Variants in FSIP2 observed in about 807,000 individuals in gnomAD.
The protein encoded by FSIP2 is fibrous sheath-interacting protein 2.
In FSIP2, 367 loss-of-function variants were observed where a neutral mutation model predicts 510.5. That is an observed-to-expected ratio of 0.72 (90% CI 0.66 to 0.78). FSIP2 has a LOEUF of 0.78. FSIP2 is among the 30% of genes least tolerant of loss of function. The probability of loss-of-function intolerance (pLI) is 0.00; values close to 1 mark genes in which losing one functional copy is unlikely to be tolerated. For synonymous variants in FSIP2, 2,601 were observed against 2,732.2 expected (o/e 0.95, Z 1.50); for missense variants, 7,594 against 7,901.7 (o/e 0.96, Z 1.48).
chr2:185,779,044 G>A (rs930024373), intron 13 of FSIP2, among the ~76,000 whole-genome samples: 1 of 151,872 alleles, frequency 6.6e-6, no homozygotes, highest in Non-Finnish European at 1.5e-5. Context: ...TATTAATATA[G>A]AGATGTCAGC....
chr2:185,793,539 A>G lies in FSIP2; in HGVS notation c.6403A>G (p.Met2135Val). 6.5e-7 allele frequency: 1 copy of G among 1,534,340 alleles called. No individual in the cohort carries two copies. The highest frequency in any genetic ancestry group is 2.0e-5 in the Admixed American group (1 of 50,884). The change falls in exon 16 of 23, where the codon ATG becomes GTG. Residue 2135 changes from methionine (M) to valine (V), a missense_variant. Transcript: ENST00000424728. ...KHSEENSEMF[M>V]EGANKIIPKL... ...TTCAGAAGAAAATTCTGAAATGTTCATGGAGGGTGCAAATAAGATTATTCC... is the reference window on the plus strand; with the variant it reads ...TTCAGAAGAAAATTCTGAAATGTTCGTGGAGGGTGCAAATAAGATTATTCC...
chr2:185,803,452 A>G lies in FSIP2; in HGVS notation c.14146A>G (p.Asn4716Asp), dbSNP rs1198665254. 3.9e-6 allele frequency: 6 copies of G among 1,529,262 alleles called. No individual in the cohort carries two copies. The highest frequency in any genetic ancestry group is 4.4e-6 in the Non-Finnish European group (5 of 1,143,622). The allele number at this position is 1,529,262 out of a possible 1,614,324, so 94.7% of individuals were successfully genotyped here. A position where few individuals can be genotyped will look rare whatever the true frequency, so the allele number is the denominator to read the frequency against. Residue 4716 changes from asparagine to aspartate, a missense_variant, in exon 17 of 23, where the codon AAT (asparagine) becomes GAT (aspartate). Transcript: ENST00000424728. ...AGAATATGAAATGGAAGTCGTGCCCAATAAAGATTTTCTAAATGACACAAA... is the reference window on the plus strand; with the variant it reads ...AGAATATGAAATGGAAGTCGTGCCCGATAAAGATTTTCTAAATGACACAAA... ...LQEYEMEVVP[N>D]KDFLNDTKTL...
rs1041582486 is a variant in FSIP2, at chr2:185,789,579, C to A, written c.2443C>A (p.Pro815Thr). 6.5e-7 allele frequency: 1 copy of A among 1,534,762 alleles called. No individual in the cohort carries two copies. The highest frequency in any genetic ancestry group is 2.0e-5 in the Admixed American group (1 of 50,866). The change falls in exon 16 of 23, where the codon CCA (proline) becomes ACA (threonine). Residue 815 changes from proline to threonine, a missense_variant. Coordinates refer to ENST00000424728, the MANE Select transcript of FSIP2 (RefSeq NM_173651.4). ...LKNSMPHTLD[P>T]MCDIAEDMVH... ...AAATTCAATGCCTCATACTTTGGAC[C>A]CAATGTGTGATATTGCAGAGGACAT...
intron 7 of FSIP2, among the ~76,000 whole-genome samples, chr2:185,750,782 G>A (rs148060155): frequency 6.6e-6 from 1 of 150,430 alleles, no homozygotes; most frequent in Non-Finnish European, 1.5e-5. Flanking sequence ...TTTGATATAC[G>A]ATGTTTTATA....
chr2:185,763,310 C>T (rs542793743), intron 12 of FSIP2, 21 bp downstream of exon 12: 1 of 938,834 alleles, frequency 1.1e-6, no homozygotes, highest in East Asian at 2.6e-5. Flanking sequence ...GTTCTTTTAC[C>T]CCAAATACAA....
rs1472476000 is a variant in FSIP2, at chr2:185,794,859, G to A, written c.7723G>A (p.Asp2575Asn). 6.5e-7 allele frequency: 1 copy of A among 1,532,868 alleles called. No homozygotes were observed. The allele number at this position is 1,532,868 out of a possible 1,614,324, so 95.0% of individuals were successfully genotyped here. A position where few individuals can be genotyped will look rare whatever the true frequency, so the allele number is the denominator to read the frequency against. ...AGAAGTTGAAATATCTGACCACAATGATTCCTTACTAATGAAACCATTAAG... is the reference window on the plus strand; with the variant it reads ...AGAAGTTGAAATATCTGACCACAATAATTCCTTACTAATGAAACCATTAAG... ...RTEVEISDHN[D>N]SLLMKPLRFR... The change falls in exon 16 of 23, where the codon GAT (aspartate) becomes AAT (asparagine). Residue 2575 changes from aspartate to asparagine, a missense_variant. Physicochemically the swap from Asp to Asn is conservative, Grantham distance 23. Coordinates refer to ENST00000424728, the MANE Select transcript of FSIP2 (RefSeq NM_173651.4).
rs1171248883 is a variant in FSIP2, at chr2:185,800,253, TAGAC to T, written c.10950_10953del (p.Ser3653ProfsTer20). 4 of 1,532,902 alleles carry T rather than the reference TAGAC, an allele frequency of 2.6e-6. No individual in the cohort carries two copies. The South Asian group carries it at 4.8e-5, about 18-fold the overall frequency. The allele number at this position is 1,532,902 out of a possible 1,614,324, so 95.0% of individuals were successfully genotyped here. On this transcript the variant is annotated frameshift_variant, in exon 17 of 23. Transcript: ENST00000424728. LOFTEE classifies it high-confidence loss of function. ...GTGTACCCCTTTGCAACAAAATCAA[TAGAC>T]AGGCAAGCCCCAGAGACTGGCAATT...
intron 13 of FSIP2, among the ~76,000 whole-genome samples, chr2:185,779,538 T>C (rs1692797817): frequency 6.6e-6 from 1 of 152,144 alleles, no homozygotes; most frequent in South Asian, 2.1e-4. Context: ...ACTCTTCTAG[T>C]TATGTTGAAG....
rs767567124 is a variant in FSIP2 at position 185,790,143 on chromosome 2, G to T, written c.3007G>T (p.Asp1003Tyr). The change falls in exon 16 of 23, where the codon GAT (aspartate) becomes TAT (tyrosine). Residue 1003 changes from aspartate to tyrosine, a missense_variant. Physicochemically the swap from Asp to Tyr is radical, Grantham distance 160. Transcript: ENST00000424728. ...NVPGMVLYSD[D>Y]ENEEIDNIVK... The stretch of plus-strand genomic sequence containing the variant: ...TCCAGGCATGGTTCTTTATTCTGAT[G>T]ATGAAAATGAGGAAATAGACAATAT... 2.6e-6 allele frequency: 4 copies of T among 1,533,260 alleles called. No individual in the cohort carries two copies. The South Asian group carries it at 3.6e-5, about 14-fold the overall frequency. The allele number at this position is 1,533,260 out of a possible 1,614,324, so 95.0% of individuals were successfully genotyped here.
rs1188690228 is a variant in FSIP2 at position 185,791,067 on chromosome 2, G to C, written c.3931G>C (p.Glu1311Gln). 1 of 1,531,960 alleles carries C rather than the reference G, an allele frequency of 6.5e-7. No individual in the cohort carries two copies. Among genetic ancestry groups the C allele is most frequent in the South Asian group, 1.2e-5 (1 of 83,516 alleles). The allele number at this position is 1,531,960 out of a possible 1,614,324, so 94.9% of individuals were successfully genotyped here. ...IVLCAIQNEL[E>Q]LHKENLNLRE... ...TTTATGTGCTATCCAGAATGAACTGGAACTTCACAAGGAAAACCTAAATCT... is the reference window on the plus strand; with the variant it reads ...TTTATGTGCTATCCAGAATGAACTGCAACTTCACAAGGAAAACCTAAATCT... The change falls in exon 16 of 23, where the codon GAA (glutamate) becomes CAA (glutamine). Residue 1311 changes from glutamate to glutamine, a missense_variant. By Grantham distance (29) the Glu-to-Gln change is conservative. Coordinates refer to ENST00000424728, the MANE Select transcript of FSIP2 (RefSeq NM_173651.4).
chr2:185,832,091 G>A (rs1400933692), intron 22 of FSIP2, among the ~76,000 whole-genome samples: 1 of 151,724 alleles, frequency 6.6e-6, no homozygotes, highest in South Asian at 2.1e-4. Context: ...AAGGGACAAT[G>A]GATCATATAA....
chr2:185,758,681 A>G (rs1406184183), intron 9 of FSIP2, among the ~76,000 whole-genome samples: 1 of 151,080 alleles, frequency 6.6e-6, no homozygotes, highest in African/African-American at 2.4e-5. Context: ...GGTCTTTGAT[A>G]TCTTCCTTGC....
chr2:185,802,440 T>C lies in FSIP2; in HGVS notation c.13134T>C (p.Tyr4378=), dbSNP rs1171874175. 5 of 1,534,022 alleles carry C rather than the reference T, an allele frequency of 3.3e-6. No homozygotes were observed. The highest frequency in any genetic ancestry group is 1.7e-4 in the Middle Eastern group (1 of 5,978). ...DIVDELATSV[Y]RNALKQHGLD... ...TGGATGAACTTGCCACCTCAGTTTATAGAAATGCTTTAAAGCAGCATGGGC... is the reference window on the plus strand; with the variant it reads ...TGGATGAACTTGCCACCTCAGTTTACAGAAATGCTTTAAAGCAGCATGGGC... Residue 4378 remains tyrosine (Y), a synonymous_variant, in exon 17 of 23, where the codon TAT becomes TAC. Transcript: ENST00000424728.
intron 7 of FSIP2, among the ~76,000 whole-genome samples, chr2:185,747,749 AATTTT>A: frequency 6.6e-6 from 1 of 152,068 alleles, no homozygotes; most frequent in South Asian, 2.1e-4. Context: ...CTCACCAGTT[AATTTT>A]ATTTAGCTTA....
At chr2:185,773,376 G>A (rs1692650542) in intron 13 of FSIP2, among the ~76,000 whole-genome samples, 1 of 152,110 alleles carries the variant, frequency 6.6e-6, no homozygotes, top group African/African-American at 2.4e-5. Context: ...TTATTCTAAT[G>A]AGGTTTTCTT....
Position 185,805,432 on chromosome 2 carries a change from A to T in FSIP2, c.16126A>T (p.Ile5376Phe), listed in dbSNP as rs781459945. ...HDIQKGDESN[I>F]AIGMIAALTQ... The stretch of plus-strand genomic sequence containing the variant: ...TATTCAAAAAGGTGATGAAAGTAAC[A>T]TTGCTATAGGGATGATTGCTGCTCT... Residue 5376 changes from isoleucine (I) to phenylalanine (F), a missense_variant, in exon 17 of 23, where the codon ATT becomes TTT. By Grantham distance (21) the Ile-to-Phe change is conservative. Transcript: ENST00000424728. The T allele has an allele frequency of 6.2e-7, 1 of 1,605,832 alleles. No individual in the cohort carries two copies. Among genetic ancestry groups the T allele is most frequent in the Admixed American group, 1.7e-5 (1 of 58,322 alleles).
chr2:185,802,135 C>T lies in FSIP2; in HGVS notation c.12829C>T (p.Pro4277Ser), dbSNP rs912525600. 6.5e-7 allele frequency: 1 copy of T among 1,532,852 alleles called. No homozygotes were observed. Among genetic ancestry groups the T allele is most frequent in the African/African-American group, 1.4e-5 (1 of 72,920 alleles). The allele number at this position is 1,532,852 out of a possible 1,614,324, so 95.0% of individuals were successfully genotyped here. The change falls in exon 17 of 23, where the codon CCA becomes TCA. Residue 4277 changes from proline to serine, a missense_variant. By Grantham distance (74) the Pro-to-Ser change is moderately conservative. Coordinates refer to ENST00000424728, the MANE Select transcript of FSIP2 (RefSeq NM_173651.4). ...ATGTCATCCAAGGACTCCACTGGATCCAGTGTCTACTATTGTTACACAGGT... is the reference window on the plus strand; with the variant it reads ...ATGTCATCCAAGGACTCCACTGGATTCAGTGTCTACTATTGTTACACAGGT... ...VLCHPRTPLDPVSTIVTQVLS... is the reference protein window; with the variant it reads ...VLCHPRTPLDSVSTIVTQVLS...
At chr2:185,782,352 A>T (rs189906657) in intron 13 of FSIP2, among the ~76,000 whole-genome samples, 132 of 152,346 alleles carry the variant, frequency 8.7e-4, no homozygotes, top group South Asian at 2.5e-3. Flanking sequence ...GAGACCTAAA[A>T]TATGAGAAGT....
intron 9 of FSIP2, among the ~76,000 whole-genome samples, chr2:185,759,932 C>A (rs1692318000): frequency 6.7e-6 from 1 of 149,914 alleles, no homozygotes; most frequent in African/African-American, 2.4e-5. Context: ...AAGGTTTAAA[C>A]CTCATATTCA....
Sources: gnomAD v4.1 joint callset for allele counts (sites outside exome capture counted in the v4.1 genomes callset) on GRCh38, gnomAD v4.1.1 for gene constraint, MANE v1.5 for transcripts, NCBI Gene and HGNC (gene_info 2026-07-23, HGNC 2026-07-21) for gene names.